DNM2: variants seen among roughly 807,000 people sequenced by gnomAD.
The protein encoded by DNM2 is dynamin-2.
Under a neutral mutation model 99.0 loss-of-function variants are expected in DNM2, and 15 were observed. That is an observed-to-expected ratio of 0.15 (90% CI 0.10 to 0.23). The LOEUF is 0.23. DNM2 is among the 10% of genes least tolerant of loss of function. DNM2 has a pLI of 1.00. For missense variants in DNM2, 742 were observed against 1,189.4 expected, an observed-to-expected ratio of 0.62 and a Z score of 5.53; for synonymous variants, 525 against 481.2, an observed-to-expected ratio of 1.09 and a Z score of -1.19.
At chr19:10,734,723 A>ATT (rs916955979) in intron 1 of DNM2, among the ~76,000 whole-genome samples, 123 of 144,330 alleles carry the variant, frequency 8.5e-4, no homozygotes, top group African/African-American at 3.0e-3. Flanking sequence ...TTAAAAAAAA[A>ATT]TTTTTTTTTT....
chr19:10,780,435 T>A (rs866085101), intron 5 of DNM2: 1 of 152,428 alleles, frequency 6.6e-6, no homozygotes, highest in East Asian at 1.9e-4. Context: ...TTTGGTGATA[T>A]GGGCCTCTTC....
At chr19:10,782,686 C>T (rs1312847073) in intron 5 of DNM2, among the ~76,000 whole-genome samples, 11 of 152,214 alleles carry the variant, frequency 7.2e-5, no homozygotes, top group African/African-American at 2.4e-4. Flanking sequence ...ATCTTTGAAT[C>T]TCAGCTTGTA....
intron 1 of DNM2, among the ~76,000 whole-genome samples, chr19:10,752,622 C>T (rs569841314): frequency 6.6e-6 from 1 of 152,354 alleles, no homozygotes; most frequent in South Asian, 2.1e-4. Context: ...GGTTAGACAG[C>T]TCAGGCCCTG....
At chr19:10,801,428 T>G (rs1340431973) in intron 11 of DNM2, among the ~76,000 whole-genome samples, 3 of 151,614 alleles carry the variant, frequency 2.0e-5, no homozygotes, top group Non-Finnish European at 4.4e-5. Flanking sequence ...AGGACCAGTC[T>G]GGGCAACATA....
At chr19:10,787,552 G>T (rs1306108985) in intron 7 of DNM2, among the ~76,000 whole-genome samples, 1 of 150,602 alleles carries the variant, frequency 6.6e-6, no homozygotes, top group Non-Finnish European at 1.5e-5. Context: ...GGATCACCAG[G>T]TCAGGAGATT....
rs2073273105 is a variant in DNM2 at position 10,829,892 on chromosome 19, C to G, written c.2292-235C>G. ...TGGAGGACTCTGGAAGTGTCTTTGGCTGTGAGGGTGGATCCCAGGCCCAAG... is the reference window on the plus strand; with the variant it reads ...TGGAGGACTCTGGAAGTGTCTTTGGGTGTGAGGGTGGATCCCAGGCCCAAG... On this transcript the variant is annotated intron_variant, in intron 19 of 20. Transcript: ENST00000389253. Among the ~76,000 whole-genome samples, 3 of 152,268 alleles carry G rather than the reference C, an allele frequency of 2.0e-5. No homozygotes were observed. The South Asian group carries it at 6.2e-4, about 32-fold the overall frequency.
At chr19:10,799,319 A>G (rs1009002943) in intron 11 of DNM2, among the ~76,000 whole-genome samples, 6 of 152,060 alleles carry the variant, frequency 3.9e-5, no homozygotes, top group Admixed American at 2.0e-4. Context: ...CCCACAACGT[A>G]AGGCCCATTG....
chr19:10,826,239 A>G (rs573355485), intron 18 of DNM2, among the ~76,000 whole-genome samples: 3 of 152,260 alleles, frequency 2.0e-5, no homozygotes, highest in African/African-American at 7.2e-5. Flanking sequence ...AGGAGGGAGA[A>G]CGGCCATCTT....
intron 1 of DNM2, among the ~76,000 whole-genome samples, chr19:10,727,426 C>T (rs559750153): frequency 1.6e-4 from 24 of 151,868 alleles, no homozygotes; most frequent in Admixed American, 9.9e-4. Flanking sequence ...AATGCAGTGG[C>T]GTGATCACAG....
At chr19:10,810,452 C>G (rs527940559) in intron 14 of DNM2, 4 of 152,382 alleles carry the variant, frequency 2.6e-5, no homozygotes, top group Non-Finnish European at 2.9e-5. Context: ...TCTCTGAACC[C>G]GTGTGGAGAA....
At chr19:10,723,338 G>A (rs969587706) in intron 1 of DNM2, among the ~76,000 whole-genome samples, 3 of 152,092 alleles carry the variant, frequency 2.0e-5, no homozygotes, top group African/African-American at 7.2e-5. Context: ...TTCCCGTGTT[G>A]GTCAGGCTGG....
rs555433875 is a variant in DNM2 at position 10,815,675 on chromosome 19, C to G, written c.1671+3298C>G. Among the ~76,000 whole-genome samples the G allele has an allele frequency of 5.9e-5, 9 of 152,320 alleles. No homozygotes were observed. In the South Asian group the frequency reaches 1.9e-3, roughly 32 times the overall value. The stretch of plus-strand genomic sequence containing the variant: ...GCCAGCTGGCCAGTCCCCATGGTCC[C>G]TGGGATGGCACAGCCACCAACTCAG... On this transcript the variant is annotated intron_variant, in intron 15 of 20. Transcript: ENST00000389253.
At chr19:10,790,507 C>G (rs894853494) in intron 7 of DNM2, among the ~76,000 whole-genome samples, 1 of 152,144 alleles carries the variant, frequency 6.6e-6, no homozygotes, top group South Asian at 2.1e-4. Context: ...GAGTCTCGCT[C>G]TGTCACCCAG....
At position 10,816,638 on chromosome 19, in the gene DNM2, TGTGGTGTGTGGGC is replaced by T. The variant is rs965388103; in HGVS notation, c.1672-3341_1672-3329del. On this transcript the variant is annotated intron_variant, in intron 15 of 20. Transcript: ENST00000389253. This position sits in a 1 kb window ranked among gnomAD's most constrained non-coding sequence, Gnocchi z 4.6. Reference sequence around the variant, plus strand: ...CTTGCAGTGAGAAACCAGCCTGCGCTGTGGTGTGTGGGCTGTCAGGCCGGCTGAGAGCTGGTGC... The same window carrying T: ...CTTGCAGTGAGAAACCAGCCTGCGCTTGTCAGGCCGGCTGAGAGCTGGTGC... Among the ~76,000 whole-genome samples the T allele has an allele frequency of 1.3e-5, 2 of 152,142 alleles. No individual in the cohort carries two copies. The highest frequency in any genetic ancestry group is 4.8e-5 in the African/African-American group (2 of 41,426).
At chr19:10,759,092 C>T (rs1489603519) in intron 1 of DNM2, among the ~76,000 whole-genome samples, 1 of 152,224 alleles carries the variant, frequency 6.6e-6, no homozygotes, top group East Asian at 1.9e-4. Context: ...CAGGCGTGGG[C>T]CACCACGCCC....
chr19:10,789,369 A>AG (rs2071673571), intron 7 of DNM2, among the ~76,000 whole-genome samples: 1 of 152,040 alleles, frequency 6.6e-6, no homozygotes, highest in Non-Finnish European at 1.5e-5. Flanking sequence ...CTCTAAAGTG[A>AG]GGGTCATAGC....
intron 12 of DNM2, chr19:10,803,636 C>T (rs2072235040): frequency 3.0e-6 from 3 of 986,376 alleles, no homozygotes; most frequent in Non-Finnish European, 3.6e-6. Flanking sequence ...CCACTTACCC[C>T]AGCTGTTACT....
At chr19:10,777,047 T>A (rs1237473955) in intron 4 of DNM2, 71 bp from the exon 5 acceptor site, 1 of 1,509,336 alleles carries the variant, frequency 6.6e-7, no homozygotes, top group East Asian at 2.3e-5. Flanking sequence ...GGACCCCAGG[T>A]GGCTTGCAGC....
At chr19:10,755,883 C>T (rs1489885075) in intron 1 of DNM2, among the ~76,000 whole-genome samples, 4 of 152,080 alleles carry the variant, frequency 2.6e-5, no homozygotes, top group Admixed American at 6.6e-5. Flanking sequence ...AGGCTGGTCT[C>T]AAACTCCTGA....
Sources: allele counts gnomAD v4.1 joint callset (sites outside exome capture counted in the v4.1 genomes callset), GRCh38; gene constraint gnomAD v4.1.1; non-coding constraint Gnocchi (gnomAD v3.1); transcripts MANE v1.5; gene names NCBI Gene and HGNC (gene_info 2026-07-23, HGNC 2026-07-21).